The following TBC1D22A variants were observed in gnomAD, a reference collection of about 807,000 sequenced individuals.
The protein encoded by TBC1D22A is putative GTPase activator.
In TBC1D22A, 38 loss-of-function variants were observed where a neutral mutation model predicts 60.2. That is an observed-to-expected ratio of 0.63 (90% confidence interval 0.49 to 0.83). The LOEUF (loss-of-function observed/expected upper bound fraction) is 0.83, where lower values mean the gene tolerates loss of function less well. Ranked by LOEUF, TBC1D22A falls within the 40% of genes least tolerant of loss-of-function variation. The probability of loss-of-function intolerance (pLI) is 0.00; values close to 1 mark genes in which losing one functional copy is unlikely to be tolerated. For missense variants in TBC1D22A, 628 were observed against 701.0 expected (o/e 0.90, Z 1.18); for synonymous variants, 302 against 281.7 (o/e 1.07, Z -0.72).
At chr22:47,090,779 C>T (rs143386186) in intron 11 of TBC1D22A, among the ~76,000 whole-genome samples, 1,543 of 125,692 alleles carry the variant, frequency 0.012, 13 homozygotes, top group Non-Finnish European at 0.018. Flanking sequence ...CACGAGAAAT[C>T]GTCTTTGGTG....
chr22:46,949,514 C>T (rs136070), intron 8 of TBC1D22A, among the ~76,000 whole-genome samples: 28,736 of 152,136 alleles, frequency 0.19, 2,993 homozygotes, highest in East Asian at 0.24. Context: ...TTAAATGTTC[C>T]CATGTAGATC....
chr22:46,930,318 G>T (rs1331376524), intron 8 of TBC1D22A, among the ~76,000 whole-genome samples: 1 of 152,172 alleles, frequency 6.6e-6, no homozygotes, highest in Non-Finnish European at 1.5e-5. Context: ...TTATATGTGT[G>T]TGGTGGTGGA....
rs557953278 is a variant in TBC1D22A, at chr22:46,956,828, A to G, written c.1016-17462A>G. On this transcript the variant is annotated intron_variant, in intron 8 of 12. Transcript: ENST00000337137. ...CTCTGTCTTTCAGATGGAGGCTTAGATTCTAAACCAGCACAGACTGTTGAG... is the reference window on the plus strand; with the variant it reads ...CTCTGTCTTTCAGATGGAGGCTTAGGTTCTAAACCAGCACAGACTGTTGAG... Among the ~76,000 whole-genome samples, 15 of 152,338 alleles carry G rather than the reference A, an allele frequency of 9.8e-5. No homozygotes were observed. In the South Asian group the frequency reaches 2.5e-3, roughly 25 times the overall value.
intron 11 of TBC1D22A, among the ~76,000 whole-genome samples, chr22:47,039,120 C>G (rs999390793): frequency 2.0e-5 from 3 of 152,134 alleles, no homozygotes; most frequent in Non-Finnish European, 4.4e-5. Context: ...TCGGCTTGCC[C>G]ATGGTTCTGC....
intron 10 of TBC1D22A, among the ~76,000 whole-genome samples, chr22:47,007,486 T>A (rs909132610): frequency 1.3e-5 from 2 of 152,192 alleles, no homozygotes; most frequent in African/African-American, 4.8e-5. Flanking sequence ...AAATGGCTTG[T>A]GTTTGCTTGG....
intron 10 of TBC1D22A, among the ~76,000 whole-genome samples, chr22:47,014,712 T>C (rs1277105320): frequency 6.6e-6 from 1 of 152,166 alleles, no homozygotes; most frequent in Non-Finnish European, 1.5e-5. Context: ...GGAGTCAGGA[T>C]TGGAGCTTGG....
At chr22:47,085,351 G>A (rs1178144041) in intron 11 of TBC1D22A, among the ~76,000 whole-genome samples, 1 of 152,084 alleles carries the variant, frequency 6.6e-6, no homozygotes, top group African/African-American at 2.4e-5. Flanking sequence ...TCAGTTTTTG[G>A]TTGATCATGA....
chr22:46,995,888 G>T (rs1279755700), intron 9 of TBC1D22A, among the ~76,000 whole-genome samples: 1 of 152,092 alleles, frequency 6.6e-6, no homozygotes, highest in African/African-American at 2.4e-5. Flanking sequence ...CCTTAATTCT[G>T]TGCTTGAACC....
chr22:46,996,289 T>C (rs928494538), intron 9 of TBC1D22A, among the ~76,000 whole-genome samples: 6 of 152,212 alleles, frequency 3.9e-5, no homozygotes, highest in African/African-American at 1.4e-4. Context: ...CTGAGACTCA[T>C]GGGGCCATCC....
chr22:46,941,208 T>TACAC (rs71315174), intron 8 of TBC1D22A, among the ~76,000 whole-genome samples: 2,643 of 84,814 alleles, frequency 0.031, 132 homozygotes, highest in South Asian at 0.069. Flanking sequence ...TATATATGTA[T>TACAC]ACACACACAC....
chr22:46,965,024 A>T (rs2073729901), intron 8 of TBC1D22A, among the ~76,000 whole-genome samples: 1 of 152,206 alleles, frequency 6.6e-6, no homozygotes, highest in African/African-American at 2.4e-5. Flanking sequence ...GATTTATCGA[A>T]GACCAAGGAT....
At chr22:46,843,599 G>A (rs983205936) in intron 4 of TBC1D22A, among the ~76,000 whole-genome samples, 1 of 151,958 alleles carries the variant, frequency 6.6e-6, no homozygotes, top group Non-Finnish European at 1.5e-5. Flanking sequence ...TGGGTATCAC[G>A]CGTTCTGTAG....
intron 11 of TBC1D22A, among the ~76,000 whole-genome samples, chr22:47,098,675 G>A (rs1284997781): frequency 2.6e-5 from 4 of 152,114 alleles, no homozygotes; most frequent in African/African-American, 7.2e-5. Flanking sequence ...GACTCCATGT[G>A]TTAGGCTGCC....
intron 11 of TBC1D22A, among the ~76,000 whole-genome samples, chr22:47,050,808 A>G (rs940834511): frequency 1.3e-5 from 2 of 152,086 alleles, no homozygotes; most frequent in African/African-American, 4.8e-5. Context: ...GGGGATGGTG[A>G]GGACAGCCTG....
chr22:47,073,850 G>A (rs537539258), intron 11 of TBC1D22A, among the ~76,000 whole-genome samples: 30 of 152,172 alleles, frequency 2.0e-4, no homozygotes, highest in Non-Finnish European at 4.0e-4. Context: ...GATTCAGGCT[G>A]GGCACATTAG....
intron 8 of TBC1D22A, among the ~76,000 whole-genome samples, chr22:46,934,948 A>G (rs2071561759): frequency 6.6e-6 from 1 of 152,064 alleles, no homozygotes; most frequent in African/African-American, 2.4e-5. Context: ...AGGGGAGGTG[A>G]GTCTCCTTTA....
At chr22:47,005,251 A>T (rs766040509) in intron 10 of TBC1D22A, among the ~76,000 whole-genome samples, 1 of 151,268 alleles carries the variant, frequency 6.6e-6, no homozygotes, top group Non-Finnish European at 1.5e-5. Flanking sequence ...AAACACCACT[A>T]TACACACACC....
chr22:47,020,229 TCA>T (rs2062040407), intron 10 of TBC1D22A, among the ~76,000 whole-genome samples: 1 of 152,166 alleles, frequency 6.6e-6, no homozygotes, highest in East Asian at 1.9e-4. Flanking sequence ...TGCCCCTGCC[TCA>T]CACAACCTAC....
chr22:46,974,164 A>G (rs4436), intron 8 of TBC1D22A, 126 bp from the exon 9 acceptor site: 401,509 of 711,302 alleles, frequency 0.56, 115,736 homozygotes, highest in Non-Finnish European at 0.61. Flanking sequence ...TCATTTAGCT[A>G]GACTGATGAG....
Sources: allele counts gnomAD v4.1 joint callset (sites outside exome capture counted in the v4.1 genomes callset), GRCh38; gene constraint gnomAD v4.1.1; transcripts MANE v1.5; gene names NCBI Gene and HGNC (gene_info 2026-07-23, HGNC 2026-07-21).